LRRC47: variants seen among roughly 807,000 people sequenced by gnomAD.
LRRC47 encodes the protein leucine rich repeat containing 47.
In LRRC47, 31 loss-of-function variants were observed where a neutral mutation model predicts 40.9. The ratio of observed to expected loss-of-function variants is 0.76; its 90% CI spans 0.57 to 1.02. LRRC47 has a LOEUF of 1.02. Among genes scored for constraint, LRRC47 ranks in the 50% least tolerant of loss-of-function variants. LRRC47 has a pLI of 0.00. For missense variants in LRRC47, 726 were observed against 796.1 expected, an observed-to-expected ratio of 0.91 and a Z score of 1.06; for synonymous variants, 427 against 371.9, an observed-to-expected ratio of 1.15 and a Z score of -1.70.
intron 3 of LRRC47, among the ~76,000 whole-genome samples, chr1:3,784,670 C>A (rs1643555148): frequency 6.6e-6 from 1 of 152,232 alleles, no homozygotes; most frequent in Non-Finnish European, 1.5e-5. Flanking sequence ...TATTTCATGT[C>A]TTTGCAAGAA....
rs773260509 is a variant in LRRC47 at position 3,781,233 on chromosome 1, G to C, written c.1607C>G (p.Thr536Arg). 1.2e-6 allele frequency: 2 copies of C among 1,614,214 alleles called. No homozygotes were observed. The highest frequency in any genetic ancestry group is 1.7e-6 in the Non-Finnish European group (2 of 1,180,042). The change falls in exon 7 of 7, where the codon ACG becomes AGG. Residue 536 changes from threonine to arginine, a missense_variant. Thr to Arg is a moderately conservative substitution (Grantham distance 71, BLOSUM62 -1). Transcript: ENST00000378251. ...CCCGTCCTTTCCAGCACTGGGATTC[G>C]TTGTGGGATCTGGAAGTTGTCCAGA... is the stretch of plus-strand genomic sequence containing the variant. The part of the protein sequence containing the change: ...AVSGQLPDPT[T>R]NPSAGKDGPS...
intron 1 of LRRC47, among the ~76,000 whole-genome samples, chr1:3,794,915 G>A (rs972411593): frequency 4.6e-5 from 7 of 151,680 alleles, no homozygotes; most frequent in East Asian, 2.0e-4. Context: ...TTAGCCGGGC[G>A]TGGTGGTGTG....
At chr1:3,782,600 G>T in intron 5 of LRRC47, 61 bp downstream of exon 5, 3 of 1,010,096 alleles carry the variant, frequency 3.0e-6, no homozygotes, top group Non-Finnish European at 4.8e-6. Flanking sequence ...CCGCAGACTT[G>T]TGTTAATTCT....
intron 4 of LRRC47, 64 bp from the exon 5 acceptor site, chr1:3,782,827 G>A: frequency 2.9e-6 from 3 of 1,027,862 alleles, no homozygotes; most frequent in South Asian, 2.5e-5. Flanking sequence ...TGGGTGTGGT[G>A]GCATGTGCCT....
rs1454587991 is a variant in LRRC47, at chr1:3,787,320, G to A, written c.616-10C>T. 1.9e-6 allele frequency: 3 copies of A among 1,604,370 alleles called. No homozygotes were observed. The highest frequency in any genetic ancestry group is 3.4e-5 in the Admixed American group (2 of 59,602). On this transcript the variant is annotated splice_polypyrimidine_tract_variant and intron_variant, in intron 1 of 6. Transcript: ENST00000378251. The stretch of plus-strand genomic sequence containing the variant: ...TCGAGAGGTCCAACGTCTGCAAAGA[G>A]AAACATGGACGCGTCAGACGCCCGG...
chr1:3,781,514 G>C lies in LRRC47; in HGVS notation c.1501C>G (p.Leu501Val). Reference protein sequence around the residue: ...ICKDVMDALILKMAEMKKYTL... With the variant: ...ICKDVMDALIVKMAEMKKYTL... ...AGGAGGAGCCACCCCACACTCACCA[G>C]AATGAGGGCATCCATGACATCCTTG... The change falls in exon 6 of 7, where the codon CTG becomes GTG. Residue 501 changes from leucine to valine, a missense_variant and splice_region_variant. Transcript: ENST00000378251. 2 of 1,613,628 alleles carry C rather than the reference G, an allele frequency of 1.2e-6. No homozygotes were observed. Among genetic ancestry groups the C allele is most frequent in the Non-Finnish European group, 1.7e-6 (2 of 1,179,738 alleles).
intron 1 of LRRC47, among the ~76,000 whole-genome samples, chr1:3,793,698 T>G (rs1643647437): frequency 6.6e-6 from 1 of 152,140 alleles, no homozygotes; most frequent in South Asian, 2.1e-4. Flanking sequence ...GGTTTTTGCA[T>G]GTCTGATCAA....
intron 1 of LRRC47, among the ~76,000 whole-genome samples, chr1:3,787,680 C>A (rs539190953): frequency 6.6e-6 from 1 of 152,126 alleles, no homozygotes; most frequent in Non-Finnish European, 1.5e-5. Context: ...GGGTGTGAAA[C>A]GTGACCTCAT....
chr1:3,792,454 T>C (rs1467005203), intron 1 of LRRC47, among the ~76,000 whole-genome samples: 1 of 137,368 alleles, frequency 7.3e-6, no homozygotes, highest in Admixed American at 7.5e-5. Context: ...TACAGAGAGC[T>C]GGACGCACAC....
At chr1:3,786,074 T>C (rs879784685) in intron 2 of LRRC47, among the ~76,000 whole-genome samples, 1 of 152,098 alleles carries the variant, frequency 6.6e-6, no homozygotes, top group Non-Finnish European at 1.5e-5. Context: ...TTCGTCATGT[T>C]GTCCAGGCTG....
rs1421926563 is a variant in LRRC47, at chr1:3,796,131, G to C, written c.346C>G (p.Pro116Ala). 1 of 1,432,320 alleles carries C rather than the reference G, an allele frequency of 7.0e-7. No homozygotes were observed. Among genetic ancestry groups the C allele is most frequent in the East Asian group, 3.0e-5 (1 of 33,150 alleles). The allele number at this position is 1,432,320 out of a possible 1,614,324, so 88.7% of individuals were successfully genotyped here. The change falls in exon 1 of 7, where the codon CCG (proline) becomes GCG (alanine). Residue 116 changes from proline to alanine, a missense_variant. Pro to Ala is a conservative substitution (Grantham distance 27, BLOSUM62 -1). Coordinates refer to ENST00000378251, the MANE Select transcript of LRRC47 (RefSeq NM_020710.3). Reference protein sequence around the residue: ...LSGNALEALPPGQGLGPAEPP... With the variant: ...LSGNALEALPAGQGLGPAEPP... ...TCGGCGGGGCCCAGGCCTTGGCCCG[G>C]CGGCAGCGCCTCCAGCGCGTTGCCC...
chr1:3,781,609 G>GA lies in LRRC47; in HGVS notation c.1414-9dup, dbSNP rs763740847. ...AGAAGTCGTTTTCTTAACCTTAAAA[G>GA]AAAAAAACATTTCAGAAAAGAACAG... On this transcript the variant is annotated splice_polypyrimidine_tract_variant and intron_variant, in intron 5 of 6. Transcript: ENST00000378251. The GA allele has an allele frequency of 8.1e-6, 13 of 1,602,902 alleles. No individual in the cohort carries two copies. In the South Asian group the frequency reaches 8.9e-5, roughly 11 times the overall value.
intron 1 of LRRC47, among the ~76,000 whole-genome samples, chr1:3,788,586 C>T (rs1381329664): frequency 6.6e-6 from 1 of 152,142 alleles, no homozygotes; most frequent in Non-Finnish European, 1.5e-5. Flanking sequence ...TGGAATTTCT[C>T]AAGCCCCAAG....
At chr1:3,795,793 C>A in intron 1 of LRRC47, 69 bp downstream of exon 1, 2 of 1,439,548 alleles carry the variant, frequency 1.4e-6, no homozygotes, top group Non-Finnish European at 1.8e-6. Flanking sequence ...TGCTCGGCCC[C>A]GAGAGGGGTT....
chr1:3,793,116 C>CTT (rs200790669), intron 1 of LRRC47, among the ~76,000 whole-genome samples: 1 of 146,298 alleles, frequency 6.8e-6, no homozygotes, highest in Non-Finnish European at 1.5e-5. Flanking sequence ...TTCCAACTAC[C>CTT]TTTTTTTTTT....
chr1:3,782,878 T>C (rs2124609348), intron 4 of LRRC47, 115 bp from the exon 5 acceptor site: 4 of 712,788 alleles, frequency 5.6e-6, no homozygotes, highest in Non-Finnish European at 1.0e-5. Context: ...GAGGGCTGCA[T>C]GGGCCCAGGA....
intron 1 of LRRC47, among the ~76,000 whole-genome samples, chr1:3,790,216 G>A (rs1643613985): frequency 6.6e-6 from 1 of 152,296 alleles, no homozygotes; most frequent in Non-Finnish European, 1.5e-5. Flanking sequence ...GGTGGTGACA[G>A]GCTGACATAA....
Position 3,783,998 on chromosome 1 carries a change from G to A in LRRC47, c.1308C>T (p.His436=), listed in dbSNP as rs752880681. ...QKKRQSVSGL[H]RYLHLLDGNE... ...ACCCCACCAGGCACGCTGCCCACCT[G>A]TGCAGGCCCGACACACTCTGCCGCT... Residue 436 remains histidine, a splice_region_variant and synonymous_variant, in exon 4 of 7, where the codon CAC becomes CAT. Coordinates refer to ENST00000378251, the MANE Select transcript of LRRC47 (RefSeq NM_020710.3). 1.1e-5 allele frequency: 17 copies of A among 1,605,022 alleles called. No homozygotes were observed. Among genetic ancestry groups the A allele is most frequent in the Admixed American group, 3.3e-5 (2 of 59,892 alleles).
rs770220917 is a variant in LRRC47 at position 3,786,867 on chromosome 1, C to T, written c.1059G>A (p.Lys353=). The part of the protein sequence containing the change: ...GMDLQPGNAL[K]RFLTSQTKLH... ...CACCCACCTGCGAGGTGAGGAAGCG[C>T]TTGAGTGCATTCCCTGGCTGCAGGT... is the stretch of plus-strand genomic sequence containing the variant. Residue 353 remains lysine, a synonymous_variant, in exon 2 of 7, where the codon AAG becomes AAA. Transcript: ENST00000378251. 1.4e-5 allele frequency: 22 copies of T among 1,598,758 alleles called. No homozygotes were observed. The Admixed American group carries it at 3.1e-4, about 22-fold the overall frequency.
Sources: gnomAD v4.1 joint callset for allele counts (sites outside exome capture counted in the v4.1 genomes callset) on GRCh38, gnomAD v4.1.1 for gene constraint, MANE v1.5 for transcripts, NCBI Gene and HGNC (gene_info 2026-07-23, HGNC 2026-07-21) for gene names.